COQ8A: variants seen among roughly 807,000 people sequenced by gnomAD.
COQ8A encodes atypical kinase COQ8A, mitochondrial.
A neutral mutation model predicts 65.0 loss-of-function variants in COQ8A; 51 were observed. The observed-to-expected ratio is 0.78, with a 90% confidence interval of 0.63 to 0.99. The LOEUF is 0.99. Among genes scored for constraint, COQ8A ranks in the 50% least tolerant of loss-of-function variants. The probability of loss-of-function intolerance (pLI) is 0.00; values close to 1 mark genes in which losing one functional copy is unlikely to be tolerated. For synonymous variants in COQ8A, 371 were observed against 353.2 expected, an observed-to-expected ratio of 1.05 and a Z score of -0.57; for missense variants, 940 against 875.0, an observed-to-expected ratio of 1.07 and a Z score of -0.94.
intron 4 of COQ8A, 108 bp downstream of exon 4, chr1:226,965,845 G>A: frequency 1.6e-6 from 2 of 1,273,148 alleles, no homozygotes; most frequent in Non-Finnish European, 2.2e-6. Context: ...GGGCGTTGGG[G>A]GAGCAGGTGG....
At chr1:226,945,123 C>A (rs1656953601) in intron 1 of COQ8A, among the ~76,000 whole-genome samples, 1 of 151,994 alleles carries the variant, frequency 6.6e-6, no homozygotes, top group Non-Finnish European at 1.5e-5. Context: ...TTTCTGCACT[C>A]CAGGGATGCA....
intron 1 of COQ8A, among the ~76,000 whole-genome samples, chr1:226,959,347 T>A (rs1477545053): frequency 6.6e-6 from 1 of 151,922 alleles, no homozygotes; most frequent in Non-Finnish European, 1.5e-5. Context: ...AATTTGAGGC[T>A]GTAGGGTGCC....
chr1:226,947,357 A>C (rs2777844), intron 1 of COQ8A, among the ~76,000 whole-genome samples: 8,666 of 152,180 alleles, frequency 0.057, 494 homozygotes, highest in East Asian at 0.27. Flanking sequence ...CCTATCAATG[A>C]GTGGGGATAA....
intron 4 of COQ8A, among the ~76,000 whole-genome samples, chr1:226,971,524 C>T (rs541470940): frequency 2.0e-5 from 3 of 151,326 alleles, no homozygotes; most frequent in African/African-American, 7.3e-5. Flanking sequence ...TGCACTCCAG[C>T]CTGGATGACA....
At chr1:226,960,483 ACTTGGTGGTGGTGGTGGTG>A (rs1558187620) in intron 1 of COQ8A, among the ~76,000 whole-genome samples, 8 of 88,962 alleles carry the variant, frequency 9.0e-5, no homozygotes, top group African/African-American at 1.3e-4. Flanking sequence ...TGGCAGTGGT[ACTTGGTGGTGGTGGTGGTG>A]CTTGGTGGTG....
At chr1:226,942,090 G>A (rs999527000) in intron 1 of COQ8A, among the ~76,000 whole-genome samples, 6 of 152,020 alleles carry the variant, frequency 3.9e-5, no homozygotes, top group African/African-American at 1.5e-4. Context: ...CCTTCTAGCC[G>A]TTGTGACCAT....
intron 1 of COQ8A, among the ~76,000 whole-genome samples, chr1:226,942,675 G>A (rs1186930803): frequency 1.3e-5 from 2 of 152,192 alleles, no homozygotes; most frequent in Admixed American, 6.5e-5. Flanking sequence ...GTGAGTGGCT[G>A]GGTGCATTTC....
chr1:226,974,203 G>A (rs1558196963), intron 4 of COQ8A, among the ~76,000 whole-genome samples: 1 of 152,352 alleles, frequency 6.6e-6, no homozygotes, highest in East Asian at 1.9e-4. Flanking sequence ...AGTCATAGGA[G>A]GTTGGCCTGC....
intron 1 of COQ8A, among the ~76,000 whole-genome samples, chr1:226,947,531 G>C (rs2148006419): frequency 6.6e-6 from 1 of 152,304 alleles, no homozygotes; most frequent in South Asian, 2.1e-4. Context: ...CCGAGGCCAG[G>C]CACGGTGACT....
intron 5 of COQ8A, 24 bp downstream of exon 5, chr1:226,977,547 G>A (rs1220643947): frequency 6.5e-7 from 1 of 1,548,952 alleles, no homozygotes. Context: ...TTCAGTGGGA[G>A]GGGCAGGGTG....
chr1:226,978,129 CCAAA>C (rs1171816122), intron 5 of COQ8A, among the ~76,000 whole-genome samples: 3 of 151,014 alleles, frequency 2.0e-5, no homozygotes, highest in South Asian at 2.1e-4. Flanking sequence ...TGCACACCCA[CCAAA>C]CACCCACACA....
At chr1:226,985,380 C>T in intron 14 of COQ8A, 40 bp downstream of exon 14, 1 of 1,601,606 alleles carries the variant, frequency 6.2e-7, no homozygotes, top group East Asian at 2.2e-5. Context: ...CCTGCTGACC[C>T]AGGGCCCGGC....
At chr1:226,974,046 T>C (rs535690791) in intron 4 of COQ8A, among the ~76,000 whole-genome samples, 1 of 152,196 alleles carries the variant, frequency 6.6e-6, no homozygotes, top group Admixed American at 6.5e-5. Context: ...TTGTTGGAAG[T>C]TGTTTGATGT....
chr1:226,981,207 C>T (rs1235276761), intron 5 of COQ8A, among the ~76,000 whole-genome samples: 1 of 152,222 alleles, frequency 6.6e-6, no homozygotes, highest in Non-Finnish European at 1.5e-5. Context: ...CTGTCTGCCT[C>T]TGGATAGGGG....
chr1:226,947,794 C>CA (rs1025747690), intron 1 of COQ8A, among the ~76,000 whole-genome samples: 1,755 of 104,328 alleles, frequency 0.017, 41 homozygotes, highest in African/African-American at 0.067. Flanking sequence ...GACCCTGTCT[C>CA]AAAAAAATAT....
chr1:226,979,082 C>T (rs148536867), intron 5 of COQ8A, among the ~76,000 whole-genome samples: 5 of 152,354 alleles, frequency 3.3e-5, no homozygotes, highest in Non-Finnish European at 7.3e-5. Flanking sequence ...ACCCTGCAGG[C>T]TTCTCCTCAC....
At position 226,983,799 on chromosome 1, in the gene COQ8A, G is replaced by T; in HGVS notation, c.1201G>T (p.Glu401Ter). Residue 401 changes from glutamate to a stop codon, truncating the protein, a stop_gained, in exon 10 of 15, where the codon GAG becomes TAG. Coordinates refer to ENST00000366777, the MANE Select transcript of COQ8A (RefSeq NM_020247.5). LOFTEE classifies it high-confidence loss of function. ...PEHLIDVLRR[E>*]LALECDYQRE... ...GCACCTGATCGACGTGCTGAGGCGG[G>T]AGCTGGCCCTGGAGTGTGACTACCA... 1.9e-6 allele frequency: 3 copies of T among 1,612,756 alleles called. No individual in the cohort carries two copies. Among genetic ancestry groups the T allele is most frequent in the Non-Finnish European group, 1.7e-6 (2 of 1,179,994 alleles).
At chr1:226,955,112 G>A (rs982139504) in intron 1 of COQ8A, among the ~76,000 whole-genome samples, 3 of 152,122 alleles carry the variant, frequency 2.0e-5, no homozygotes, top group Non-Finnish European at 2.9e-5. Flanking sequence ...CACCCAGTGG[G>A]AATATCAGAT....
At chr1:226,985,008 T>G in intron 13 of COQ8A, 67 bp downstream of exon 13, 1 of 1,578,356 alleles carries the variant, frequency 6.3e-7, no homozygotes, top group Non-Finnish European at 8.7e-7. Flanking sequence ...GCTGGGGGAC[T>G]CGGGGTAGGG....
Sources: gnomAD v4.1 joint callset for allele counts (sites outside exome capture counted in the v4.1 genomes callset) on GRCh38, gnomAD v4.1.1 for gene constraint, MANE v1.5 for transcripts, NCBI Gene and HGNC (gene_info 2026-07-23, HGNC 2026-07-21) for gene names.